The following ASB5 variants were observed in gnomAD, a reference collection of about 807,000 sequenced individuals.
ASB5 encodes ankyrin repeat and SOCS box containing 5, also known as ankyrin repeat and SOCS box protein 5.
Under a neutral mutation model 42.1 loss-of-function variants are expected in ASB5, and 45 were observed. The ratio of observed to expected loss-of-function variants is 1.07; its 90% CI spans 0.84 to 1.37. ASB5 has a LOEUF of 1.37. Among genes scored for constraint, ASB5 ranks in the 40% most tolerant of loss-of-function variants. The probability of loss-of-function intolerance (pLI) is 0.00; values close to 1 mark genes in which losing one functional copy is unlikely to be tolerated. For synonymous variants in ASB5, 147 were observed against 150.6 expected (o/e 0.98, Z 0.18); for missense variants, 402 against 399.8 (o/e 1.01, Z -0.05).
rs538091185 is a variant in ASB5 at position 176,241,588 on chromosome 4, A to G, written c.197-16247T>C. ...CCCTCATACAACCTTTAGGAGTCAT[A>G]TCTGAGCCCAGTTCTTGCTCCATTT... On this transcript the variant is annotated intron_variant, in intron 1 of 6. Transcript: ENST00000296525. The G allele has an allele frequency of 3.4e-6, 5 of 1,456,834 alleles. No homozygotes were observed. The East Asian group carries it at 1.3e-4, about 37-fold the overall frequency. 90.2% of individuals were successfully genotyped at this position (1,456,834 alleles called of 1,614,324 possible). A position where few individuals can be genotyped will look rare whatever the true frequency, so the allele number is the denominator to read the frequency against.
rs143604850 is a variant in ASB5 at position 176,257,370 on chromosome 4, A to G, written c.196+11543T>C. Among the ~76,000 whole-genome samples the G allele has an allele frequency of 2.9e-3, 447 of 152,338 alleles. 1 individual carries two copies. The highest frequency in any genetic ancestry group is 9.8e-3 in the African/African-American group (408 of 41,588). ...CATTTCTGTTTGAAGAATTTCTGTC[A>G]AGAAAAGTTTCTTGGACAGAATAAG... On this transcript the variant is annotated intron_variant, in intron 1 of 6. Transcript: ENST00000296525.
chr4:176,255,406 CA>C (rs1408113103), intron 1 of ASB5, among the ~76,000 whole-genome samples: 2 of 152,158 alleles, frequency 1.3e-5, no homozygotes, highest in East Asian at 3.9e-4. Flanking sequence ...AAGGCACATG[CA>C]CTTGTATATT....
At chr4:176,254,537 C>CAAAAAAAAAAA (rs60761708) in intron 1 of ASB5, among the ~76,000 whole-genome samples, 1 of 144,252 alleles carries the variant, frequency 6.9e-6, no homozygotes, top group Non-Finnish European at 1.5e-5. Context: ...AAAGCAATTG[C>CAAAAAAAAAAA]AAAAAAAAAA....
chr4:176,250,531 C>T (rs568785498), intron 1 of ASB5, among the ~76,000 whole-genome samples: 20 of 152,272 alleles, frequency 1.3e-4, no homozygotes, highest in African/African-American at 4.8e-4. Flanking sequence ...AAAGAAAGCC[C>T]CAATGGCTTT....
chr4:176,258,311 A>G (rs930023472), intron 1 of ASB5, among the ~76,000 whole-genome samples: 7 of 152,208 alleles, frequency 4.6e-5, no homozygotes, highest in African/African-American at 1.7e-4. Context: ...CAGCTAGAAA[A>G]TGCTACAACC....
upstream of ASB5, among the ~76,000 whole-genome samples, chr4:176,273,635 T>A (rs1412564433): frequency 6.6e-6 from 1 of 152,128 alleles, no homozygotes; most frequent in Non-Finnish European, 1.5e-5. Flanking sequence ...TTGGAGAAAA[T>A]CACTAGCTTT....
rs1449256726 is a variant in ASB5 at position 176,277,511 on chromosome 4, C to T, written c.-483G>A. The T allele has an allele frequency of 2.0e-5, 3 of 152,024 alleles. No individual in the cohort carries two copies. In the East Asian group the frequency reaches 5.8e-4, roughly 29 times the overall value. The allele number at this position is 152,024 out of a possible 1,614,324, so 9.4% of individuals were successfully genotyped here. A position where few individuals can be genotyped will look rare whatever the true frequency, so the allele number is the denominator to read the frequency against. On this transcript the variant is annotated 5_prime_UTR_variant, in exon 1 of 3. Transcript: ENST00000505299. ...TTTTGCTCTTTCCTTTATCTAGTAC[C>T]AGAATGTCAAATCAATAAAAAGTCG...
chr4:176,238,080 G>A (rs564532299), intron 1 of ASB5, among the ~76,000 whole-genome samples: 1 of 151,986 alleles, frequency 6.6e-6, no homozygotes. Flanking sequence ...AAATTAGCTG[G>A]ACATAGGGAC....
chr4:176,222,370 T>A lies in ASB5; in HGVS notation c.327A>T (p.Glu109Asp). 1 of 1,614,072 alleles carries A rather than the reference T, an allele frequency of 6.2e-7. No individual in the cohort carries two copies. The highest frequency in any genetic ancestry group is 8.5e-7 in the Non-Finnish European group (1 of 1,179,996). The change falls in exon 3 of 7, where the codon GAA becomes GAT. Residue 109 changes from glutamate to aspartate, a missense_variant. Glu to Asp is a conservative substitution (Grantham distance 45). Transcript: ENST00000296525. Reference sequence around the variant, plus strand: ...ATGCCACGTGATCTCCAAGGCAGGCTTCGTGCAATGGGGTGACATGGTCTA... The same window carrying A: ...ATGCCACGTGATCTCCAAGGCAGGCATCGTGCAATGGGGTGACATGGTCTA... ...VTLDHVTPLH[E>D]ACLGDHVACA...
At chr4:176,259,260 C>G (rs1310179598) in intron 1 of ASB5, among the ~76,000 whole-genome samples, 1 of 152,096 alleles carries the variant, frequency 6.6e-6, no homozygotes, top group African/African-American at 2.4e-5. Context: ...ATTCATGATT[C>G]TAGATCACAG....
At chr4:176,231,155 T>C (rs942957584) in intron 1 of ASB5, among the ~76,000 whole-genome samples, 3 of 152,186 alleles carry the variant, frequency 2.0e-5, no homozygotes, top group East Asian at 3.9e-4. Context: ...TAAGGTTTGA[T>C]ACCATACCTA....
Position 176,215,469 on chromosome 4 carries a change from AT to A in ASB5, c.*130del. 1.1e-6 allele frequency: 1 copy of A among 903,220 alleles called. No individual in the cohort carries two copies. The highest frequency in any genetic ancestry group is 1.6e-6 in the Non-Finnish European group (1 of 618,572). 56.0% of individuals were successfully genotyped at this position (903,220 alleles called of 1,614,324 possible). ...TAATACACTTAAAATGAAAATTGATATTTTACTGCTTCCCTGGGTGATCTCA... is the reference window on the plus strand; with the variant it reads ...TAATACACTTAAAATGAAAATTGATATTTACTGCTTCCCTGGGTGATCTCA... On this transcript the variant is annotated 3_prime_UTR_variant, in exon 7 of 7. Coordinates refer to ENST00000296525, the MANE Select transcript of ASB5 (RefSeq NM_080874.4).
intron 1 of ASB5, among the ~76,000 whole-genome samples, chr4:176,226,235 C>CA (rs1284427207): frequency 2.0e-5 from 3 of 151,942 alleles, no homozygotes; most frequent in South Asian, 4.1e-4. Context: ...CTGGAGAGAA[C>CA]AAAAAAACCT....
intron 2 of ASB5, among the ~76,000 whole-genome samples, chr4:176,275,565 C>T (rs977221405): frequency 2.0e-5 from 3 of 152,206 alleles, no homozygotes; most frequent in African/African-American, 7.2e-5. Context: ...CAACTTAGTA[C>T]TCTTCCTGCT....
chr4:176,229,837 G>A (rs1311097018), intron 1 of ASB5, among the ~76,000 whole-genome samples: 1 of 152,206 alleles, frequency 6.6e-6, no homozygotes, highest in Non-Finnish European at 1.5e-5. Context: ...CAGGAACAAG[G>A]CACATGCTAT....
intron 1 of ASB5, among the ~76,000 whole-genome samples, chr4:176,227,332 A>C (rs1339634346): frequency 6.6e-6 from 1 of 152,226 alleles, no homozygotes; most frequent in Non-Finnish European, 1.5e-5. Flanking sequence ...AACAGAGAGA[A>C]GAGAGACTCT....
intron 1 of ASB5, among the ~76,000 whole-genome samples, chr4:176,238,364 T>C (rs1753738784): frequency 6.6e-6 from 1 of 152,134 alleles, no homozygotes; most frequent in East Asian, 1.9e-4. Flanking sequence ...CTAGAGGTCA[T>C]CTCTAAATCA....
intron 1 of ASB5, among the ~76,000 whole-genome samples, chr4:176,247,913 C>T (rs1753943042): frequency 1.3e-5 from 2 of 152,050 alleles, no homozygotes; most frequent in Admixed American, 6.6e-5. Context: ...ATTTTCTTAA[C>T]AATTTTAGGA....
chr4:176,221,891 C>CAAA (rs1753222881), intron 3 of ASB5, among the ~76,000 whole-genome samples: 1 of 151,982 alleles, frequency 6.6e-6, no homozygotes. Flanking sequence ...AGATACTTTT[C>CAAA]AGTAAGAGTA....
Sources: allele counts gnomAD v4.1 joint callset (sites outside exome capture counted in the v4.1 genomes callset), GRCh38; gene constraint gnomAD v4.1.1; transcripts MANE v1.5; gene names NCBI Gene and HGNC (gene_info 2026-07-23, HGNC 2026-07-21).